SV2B: variants seen among roughly 807,000 people sequenced by gnomAD.
The protein encoded by SV2B is solute carrier family 22 member B2.
SV2B carries 41 observed loss-of-function variants against 73.9 expected under a neutral mutation model. That is an observed-to-expected ratio of 0.56 (90% CI 0.43 to 0.72). The LOEUF is 0.72. SV2B is among the 30% of genes least tolerant of loss of function. The probability of loss-of-function intolerance (pLI) is 0.00; values close to 1 mark genes in which losing one functional copy is unlikely to be tolerated. For missense variants in SV2B, 764 were observed against 857.8 expected (o/e 0.89, Z 1.37); for synonymous variants, 314 against 314.2 (o/e 1.00, Z 0.01).
At chr15:91,215,446 C>T (rs565188123) in intron 1 of SV2B, among the ~76,000 whole-genome samples, 5 of 152,262 alleles carry the variant, frequency 3.3e-5, no homozygotes, top group African/African-American at 1.2e-4. Flanking sequence ...TTAAGGATCA[C>T]ACTAGAAAAC....
intron 4 of SV2B, among the ~76,000 whole-genome samples, chr15:91,257,143 C>T (rs1206641437): frequency 1.3e-5 from 2 of 152,122 alleles, no homozygotes; most frequent in Non-Finnish European, 1.5e-5. Context: ...TTTTGCTGAT[C>T]TTTGCTGATA....
intron 11 of SV2B, among the ~76,000 whole-genome samples, chr15:91,287,993 C>T (rs1216085471): frequency 1.3e-5 from 2 of 152,152 alleles, no homozygotes; most frequent in African/African-American, 2.4e-5. Flanking sequence ...CCTTCTACCC[C>T]CGGGGAGGAG....
Position 91,227,440 on chromosome 15 carries a change from T to G in SV2B, c.451+726T>G, listed in dbSNP as rs2046420971. Among the ~76,000 whole-genome samples, 1 of 152,220 alleles carries G rather than the reference T, an allele frequency of 6.6e-6. No homozygotes were observed. The highest frequency in any genetic ancestry group is 2.1e-4 in the South Asian group (1 of 4,826). On this transcript the variant is annotated intron_variant, in intron 2 of 12. Transcript: ENST00000394232. The surrounding 1 kb of genome is among the most constrained non-coding windows in gnomAD (Gnocchi z 4.5). Reference sequence around the variant, plus strand: ...ACAAATGGTGTGATGTAGAAAAGATTCATCATCATATGGACAAGCATTTGT... The same window carrying G: ...ACAAATGGTGTGATGTAGAAAAGATGCATCATCATATGGACAAGCATTTGT...
At position 91,301,553 on chromosome 15, in the gene SV2B, A is replaced by T. The variant is rs2049444608; in HGVS notation, c.*9001A>T. On this transcript the variant is annotated 3_prime_UTR_variant, in exon 13 of 13. Coordinates refer to ENST00000394232, the MANE Select transcript of SV2B (RefSeq NM_001323032.3). This position sits in a 1 kb window ranked among gnomAD's most constrained non-coding sequence, Gnocchi z 4.3. ...TTTACTGAATGACAAGAACTGTGAT[A>T]AAGACTTTTAAAGCCTATCCCCTTT... is the stretch of plus-strand genomic sequence containing the variant. 6.6e-6 allele frequency among the ~76,000 whole-genome samples: 1 copy of T among 152,240 alleles called. No individual in the cohort carries two copies. Among genetic ancestry groups the T allele is most frequent in the African/African-American group, 2.4e-5 (1 of 41,456 alleles).
At position 91,229,341 on chromosome 15, in the gene SV2B, T is replaced by C. The variant is rs1485594848; in HGVS notation, c.451+2627T>C. On this transcript the variant is annotated intron_variant, in intron 2 of 12. Coordinates refer to ENST00000394232, the MANE Select transcript of SV2B (RefSeq NM_001323032.3). This position sits in a 1 kb window ranked among gnomAD's most constrained non-coding sequence, Gnocchi z 4.3. ...TCCATCTGTAGAATAAGAGCAGTAA[T>C]GCAGTGCTGTGAGGACTAAATGAGA... 1.3e-5 allele frequency among the ~76,000 whole-genome samples: 2 copies of C among 152,202 alleles called. No individual in the cohort carries two copies. Among genetic ancestry groups the C allele is most frequent in the African/African-American group, 4.8e-5 (2 of 41,448 alleles).
At chr15:91,222,288 C>T (rs529853434) in intron 1 of SV2B, among the ~76,000 whole-genome samples, 7 of 152,292 alleles carry the variant, frequency 4.6e-5, no homozygotes, top group South Asian at 2.1e-4. Context: ...CCACCTCATA[C>T]GGTCGTTGTG....
chr15:91,102,020 T>C (rs999859810), intron 1 of SV2B: 1 of 152,208 alleles, frequency 6.6e-6, no homozygotes, highest in Admixed American at 6.5e-5. Flanking sequence ...CCCCGACCTA[T>C]CTGTTCTTGT....
At chr15:91,182,461 T>A (rs1222609462) in intron 1 of SV2B, among the ~76,000 whole-genome samples, 1 of 152,250 alleles carries the variant, frequency 6.6e-6, no homozygotes, top group Non-Finnish European at 1.5e-5. Flanking sequence ...AGTCTCTGAA[T>A]TAAGATTATG....
rs569666794 is a variant in SV2B at position 91,132,274 on chromosome 15, A to G, written c.-392+31911A>G. Reference sequence around the variant, plus strand: ...CATGCTCACCTCATGTAAATGAAGTAGTAGCCCACAATCAGTCTGATTGGT... The same window carrying G: ...CATGCTCACCTCATGTAAATGAAGTGGTAGCCCACAATCAGTCTGATTGGT... On this transcript the variant is annotated intron_variant, in intron 1 of 12. Coordinates refer to ENST00000394232, the MANE Select transcript of SV2B (RefSeq NM_001323032.3). This position sits in a 1 kb window ranked among gnomAD's most constrained non-coding sequence, Gnocchi z 4.6. 1.1e-4 allele frequency among the ~76,000 whole-genome samples: 17 copies of G among 152,372 alleles called. No homozygotes were observed. In the East Asian group the frequency reaches 1.5e-3, roughly 14 times the overall value.
At chr15:91,276,466 T>C (rs2048491918) in intron 9 of SV2B, among the ~76,000 whole-genome samples, 1 of 152,118 alleles carries the variant, frequency 6.6e-6, no homozygotes, top group South Asian at 2.1e-4. Flanking sequence ...TTTGATATTT[T>C]CCCATAGCTC....
At chr15:91,275,807 C>G (rs1488419927) in intron 9 of SV2B, among the ~76,000 whole-genome samples, 1 of 152,136 alleles carries the variant, frequency 6.6e-6, no homozygotes, top group African/African-American at 2.4e-5. Context: ...GCCTGGGTGA[C>G]AGAGTGAGAC....
In SV2B at chr15:91,258,923, CAAAA is replaced by C. The variant is rs3082222; in HGVS notation, c.918+385_918+388del. The stretch of plus-strand genomic sequence containing the variant: ...GCTACACAGGGAGACCTCATCTCTA[CAAAA>C]AAAAAAAAAAAAAAATTAGTTGAGC... On this transcript the variant is annotated intron_variant, in intron 5 of 12. Transcript: ENST00000394232. This position sits in a 1 kb window ranked among gnomAD's most constrained non-coding sequence, Gnocchi z 4.7. Among the ~76,000 whole-genome samples the C allele has an allele frequency of 2.9e-4, 26 of 89,194 alleles. No individual in the cohort carries two copies. Among genetic ancestry groups the C allele is most frequent in the African/African-American group, 8.3e-4 (23 of 27,638 alleles). The allele number at this position is 89,194 out of a possible 152,430, so 58.5% of individuals were successfully genotyped here. A position where few individuals can be genotyped will look rare whatever the true frequency, so the allele number is the denominator to read the frequency against.
In SV2B at chr15:91,239,385, C is replaced by T. The variant is rs958434636; in HGVS notation, c.452-12434C>T. On this transcript the variant is annotated intron_variant, in intron 2 of 12. Coordinates refer to ENST00000394232, the MANE Select transcript of SV2B (RefSeq NM_001323032.3). The surrounding 1 kb of genome is among the most constrained non-coding windows in gnomAD (Gnocchi z 5.1). Reference sequence around the variant, plus strand: ...AGGAAGTCTTGTGCTCGAAAGGAGACATGGTAACAGATTATAAGGTATAAG... The same window carrying T: ...AGGAAGTCTTGTGCTCGAAAGGAGATATGGTAACAGATTATAAGGTATAAG... Among the ~76,000 whole-genome samples the T allele has an allele frequency of 6.6e-6, 1 of 151,952 alleles. No individual in the cohort carries two copies. Among genetic ancestry groups the T allele is most frequent in the Non-Finnish European group, 1.5e-5 (1 of 67,998 alleles).
chr15:91,170,332 G>T (rs1328942231), intron 1 of SV2B, among the ~76,000 whole-genome samples: 1 of 151,922 alleles, frequency 6.6e-6, no homozygotes, highest in Admixed American at 6.6e-5. Context: ...CTGTCACCCA[G>T]GCTGGAGTGC....
At chr15:91,160,144 C>T (rs566842857) in intron 1 of SV2B, among the ~76,000 whole-genome samples, 14 of 152,208 alleles carry the variant, frequency 9.2e-5, no homozygotes, top group African/African-American at 3.1e-4. Context: ...CCTCCAAAAC[C>T]AACCAAAATA....
chr15:91,158,468 G>A (rs2043565348), intron 1 of SV2B, among the ~76,000 whole-genome samples: 1 of 151,734 alleles, frequency 6.6e-6, no homozygotes, highest in Admixed American at 6.6e-5. Flanking sequence ...GATTAGAGGG[G>A]AACAATCCAG....
chr15:91,211,308 C>T (rs1365637084), intron 1 of SV2B, among the ~76,000 whole-genome samples: 3 of 152,160 alleles, frequency 2.0e-5, no homozygotes, highest in African/African-American at 7.2e-5. Flanking sequence ...CAGAGTTTGT[C>T]AACCTCATGA....
intron 1 of SV2B, among the ~76,000 whole-genome samples, chr15:91,179,588 G>A (rs925000514): frequency 2.0e-5 from 3 of 152,066 alleles, no homozygotes; most frequent in Admixed American, 6.6e-5. Flanking sequence ...TGTATTGGGT[G>A]CATATATATT....
At position 91,121,663 on chromosome 15, in the gene SV2B, C is replaced by G. The variant is rs75794894; in HGVS notation, c.-392+21300C>G. 7.5e-4 allele frequency among the ~76,000 whole-genome samples: 114 copies of G among 152,248 alleles called. No individual in the cohort carries two copies. In the East Asian group the frequency reaches 0.019, roughly 25 times the overall value. On this transcript the variant is annotated intron_variant, in intron 1 of 12. Transcript: ENST00000394232. This position sits in a 1 kb window ranked among gnomAD's most constrained non-coding sequence, Gnocchi z 4.4. ...GATGAATGCAAATAAGATCTGAACACCAGCTCTCTTGAACCACATGGGTGC... is the reference window on the plus strand; with the variant it reads ...GATGAATGCAAATAAGATCTGAACAGCAGCTCTCTTGAACCACATGGGTGC...
Sources: allele counts gnomAD v4.1 joint callset (sites outside exome capture counted in the v4.1 genomes callset), GRCh38; gene constraint gnomAD v4.1.1; non-coding constraint Gnocchi (gnomAD v3.1); transcripts MANE v1.5; gene names NCBI Gene and HGNC (gene_info 2026-07-23, HGNC 2026-07-21).